Variants in USP25 observed in about 807,000 individuals in gnomAD.
USP25 encodes ubiquitin carboxyl-terminal hydrolase 25.
Under a neutral mutation model 158.5 loss-of-function variants are expected in USP25, and 85 were observed. That is an observed-to-expected ratio of 0.54 (90% CI 0.45 to 0.64). The LOEUF (loss-of-function observed/expected upper bound fraction) is 0.64, where lower values mean the gene tolerates loss of function less well. Ranked by LOEUF, USP25 falls within the 30% of genes least tolerant of loss-of-function variation. The probability of loss-of-function intolerance (pLI) is 0.00; values close to 1 mark genes in which losing one functional copy is unlikely to be tolerated. For missense variants in USP25, 1,242 were observed against 1,327.3 expected (o/e 0.94, Z 1.00); for synonymous variants, 464 against 460.4 (o/e 1.01, Z -0.10).
chr21:15,848,476 C>G (rs968721859), intron 19 of USP25, among the ~76,000 whole-genome samples: 4 of 151,948 alleles, frequency 2.6e-5, no homozygotes, highest in African/African-American at 9.7e-5. Flanking sequence ...TAATATTACT[C>G]TTTTTGAGGA....
chr21:15,777,982 C>G lies in USP25; in HGVS notation c.347C>G (p.Ala116Gly). The G allele has an allele frequency of 6.2e-7, 1 of 1,611,170 alleles. No individual in the cohort carries two copies. The highest frequency in any genetic ancestry group is 8.5e-7 in the Non-Finnish European group (1 of 1,178,772). The change falls in exon 4 of 26, where the codon GCA becomes GGA. Residue 116 changes from alanine (A) to glycine (G), a missense_variant. Ala to Gly is a moderately conservative substitution (Grantham distance 60). This residue lies in a region of USP25 where 627 missense variants were observed against 701.4 expected (regional missense o/e 0.89). Transcript: ENST00000400183. ...IALSLAESNR[A>G]FRETGITDEE... ...TTGAGTTTGGCCGAATCAAACAGGGCATTCAGGGAGACTGGAATAACTGAT... is the reference window on the plus strand; with the variant it reads ...TTGAGTTTGGCCGAATCAAACAGGGGATTCAGGGAGACTGGAATAACTGAT...
chr21:15,844,777 CTTTTA>C (rs1230405066), intron 18 of USP25, among the ~76,000 whole-genome samples: 5 of 152,162 alleles, frequency 3.3e-5, no homozygotes, highest in South Asian at 2.1e-4. Context: ...ATTTATTTCA[CTTTTA>C]TTTTAATATG....
At position 15,766,088 on chromosome 21, in the gene USP25, C is replaced by T; in HGVS notation, c.215C>T (p.Thr72Ile). Residue 72 changes from threonine to isoleucine, a missense_variant, in exon 3 of 26, where the codon ACA becomes ATA. This residue lies in a region of USP25 where 627 missense variants were observed against 701.4 expected (regional missense o/e 0.89). Coordinates refer to ENST00000400183, the MANE Select transcript of USP25 (RefSeq NM_001283041.3). The surrounding 1 kb of genome is among the most constrained non-coding windows in gnomAD (Gnocchi z 4.0). ...CAGGAGGAGACAACTTACTACCAAA[C>T]AGCACTTCCTGGCAATGATAGATAC... ...PQQEETTYYQ[T>I]ALPGNDRYIS... The T allele has an allele frequency of 6.2e-7, 1 of 1,610,736 alleles. No homozygotes were observed. Among genetic ancestry groups the T allele is most frequent in the East Asian group, 2.2e-5 (1 of 44,698 alleles).
At chr21:15,828,742 G>C (rs371444294) in intron 14 of USP25, among the ~76,000 whole-genome samples, 1 of 152,116 alleles carries the variant, frequency 6.6e-6, no homozygotes, top group Non-Finnish European at 1.5e-5. Flanking sequence ...AGGTTCAAGC[G>C]ATTCTCCTGC....
At chr21:15,815,106 G>A (rs775484298) in intron 9 of USP25, among the ~76,000 whole-genome samples, 3 of 152,002 alleles carry the variant, frequency 2.0e-5, no homozygotes, top group Non-Finnish European at 2.9e-5. Flanking sequence ...GGTGTAGCTC[G>A]GCCCATTGTT....
At chr21:15,788,240 G>A (rs2035404489) in intron 4 of USP25, among the ~76,000 whole-genome samples, 1 of 151,672 alleles carries the variant, frequency 6.6e-6, no homozygotes, top group African/African-American at 2.4e-5. Flanking sequence ...TTAAGAGCTT[G>A]GGTAGTATCA....
At chr21:15,759,620 A>G (rs2123380335) in intron 1 of USP25, among the ~76,000 whole-genome samples, 1 of 152,264 alleles carries the variant, frequency 6.6e-6, no homozygotes, top group East Asian at 1.9e-4. Flanking sequence ...TAAGATAAGG[A>G]GTTGTGGAGA....
At chr21:15,730,566 C>A (rs1345083632) in intron 1 of USP25, 128 bp downstream of exon 1, 4 of 1,105,416 alleles carry the variant, frequency 3.6e-6, no homozygotes, top group South Asian at 7.4e-5. Flanking sequence ...CACCCCCGGC[C>A]CCTGCCCATC....
intron 3 of USP25, among the ~76,000 whole-genome samples, chr21:15,767,883 C>T (rs2034133985): frequency 2.0e-5 from 3 of 151,902 alleles, no homozygotes; most frequent in South Asian, 4.1e-4. Flanking sequence ...ATTTGCTGTG[C>T]AAAGTGAGAA....
chr21:15,863,790 A>G (rs1488355410), intron 20 of USP25, among the ~76,000 whole-genome samples: 1 of 152,122 alleles, frequency 6.6e-6, no homozygotes, highest in Non-Finnish European at 1.5e-5. Context: ...TAATCCCAGC[A>G]CTTTGGGAGG....
chr21:15,818,908 C>T, intron 10 of USP25, 62 bp downstream of exon 10: 6 of 1,547,670 alleles, frequency 3.9e-6, no homozygotes, highest in South Asian at 2.4e-5. Context: ...TGCTATAGCA[C>T]AATGTAAGGT....
chr21:15,870,918 C>T (rs1049786086), intron 23 of USP25, among the ~76,000 whole-genome samples: 2 of 152,094 alleles, frequency 1.3e-5, no homozygotes, highest in African/African-American at 2.4e-5. Flanking sequence ...TCCAACATAG[C>T]GGCCACCTGA....
chr21:15,871,491 A>C (rs889220987), intron 23 of USP25, among the ~76,000 whole-genome samples: 2 of 152,242 alleles, frequency 1.3e-5, no homozygotes, highest in Admixed American at 6.5e-5. Context: ...AAGGTCACAC[A>C]GCTAACTAGG....
chr21:15,878,883 A>T lies in USP25; in HGVS notation c.*408A>T, dbSNP rs2040199487. ...TATTTGGTAGCTTGTAAATGAAATA[A>T]AGAATAAAGTTTTATTTATGGCTAC... On this transcript the variant is annotated 3_prime_UTR_variant, in exon 26 of 26. Coordinates refer to ENST00000400183, the MANE Select transcript of USP25 (RefSeq NM_001283041.3). The T allele has an allele frequency of 6.5e-6, 1 of 154,754 alleles. No individual in the cohort carries two copies. Among genetic ancestry groups the T allele is most frequent in the Non-Finnish European group, 1.4e-5 (1 of 69,576 alleles). 9.6% of individuals were successfully genotyped at this position (154,754 alleles called of 1,614,324 possible).
chr21:15,772,654 A>C (rs1399621339), intron 3 of USP25, among the ~76,000 whole-genome samples: 1 of 152,214 alleles, frequency 6.6e-6, no homozygotes, highest in African/African-American at 2.4e-5. Context: ...GCATGTGAGA[A>C]TATCTGAGCG....
At chr21:15,818,030 A>C (rs769767715) in intron 9 of USP25, among the ~76,000 whole-genome samples, 14 of 152,162 alleles carry the variant, frequency 9.2e-5, no homozygotes, top group Non-Finnish European at 1.6e-4. Flanking sequence ...ACCTCCTGTT[A>C]GTTCCTAAAC....
chr21:15,823,716 CTT>C (rs751370144), intron 10 of USP25, among the ~76,000 whole-genome samples: 2 of 152,072 alleles, frequency 1.3e-5, no homozygotes, highest in Non-Finnish European at 2.9e-5. Context: ...ACAGAGAAGA[CTT>C]GAGCTACTAA....
intron 1 of USP25, among the ~76,000 whole-genome samples, chr21:15,731,369 G>A (rs1167390372): frequency 1.3e-5 from 2 of 152,056 alleles, no homozygotes; most frequent in Admixed American, 6.5e-5. Context: ...TGGTATTACG[G>A]GGACAGTTAG....
At chr21:15,873,796 A>G (rs1025739525) in intron 23 of USP25, among the ~76,000 whole-genome samples, 9 of 152,224 alleles carry the variant, frequency 5.9e-5, no homozygotes, top group Admixed American at 1.3e-4. Context: ...CCCGGCCTCT[A>G]TCAGCTTTTT....
Sources: allele counts gnomAD v4.1 joint callset (sites outside exome capture counted in the v4.1 genomes callset), GRCh38; gene constraint gnomAD v4.1.1; regional missense constraint gnomAD v4.1.1; non-coding constraint Gnocchi (gnomAD v3.1); transcripts MANE v1.5; gene names NCBI Gene and HGNC (gene_info 2026-07-23, HGNC 2026-07-21).